Variants in RIT2 observed in about 807,000 individuals in gnomAD.
RIT2 encodes Ras like without CAAX 2.
In RIT2, 24 loss-of-function variants were observed where a neutral mutation model predicts 23.7. That is an observed-to-expected ratio of 1.01 (90% CI 0.73 to 1.43). The LOEUF (loss-of-function observed/expected upper bound fraction) is 1.43. Among genes scored for constraint, RIT2 ranks in the 40% most tolerant of loss-of-function variants. RIT2 has a pLI of 0.00. For synonymous variants in RIT2, 107 were observed against 91.1 expected (o/e 1.17, Z -0.99); for missense variants, 236 against 266.9 (o/e 0.88, Z 0.81).
At chr18:42,912,831 T>C (rs961304807) in intron 4 of RIT2, among the ~76,000 whole-genome samples, 2 of 151,978 alleles carry the variant, frequency 1.3e-5, no homozygotes, top group African/African-American at 4.8e-5. Flanking sequence ...ATAGCAAAGA[T>C]GTCAATTCAA....
intron 4 of RIT2, among the ~76,000 whole-genome samples, chr18:42,899,878 T>A (rs1908428829): frequency 6.6e-6 from 1 of 152,066 alleles, no homozygotes; most frequent in Admixed American, 6.6e-5. Context: ...TTAGTTTAAT[T>A]TACACATTTT....
At position 42,978,594 on chromosome 18, in the gene RIT2, T is replaced by C. The variant is rs573378344; in HGVS notation, c.161-4447A>G. ...CTTCTCAAGCATGAGGCCAAATGTA[T>C]ACAAAGCTTTATCAGGCAGAAATGG... On this transcript the variant is annotated intron_variant, in intron 2 of 4. Coordinates refer to ENST00000326695, the MANE Select transcript of RIT2 (RefSeq NM_002930.4). Among the ~76,000 whole-genome samples the C allele has an allele frequency of 2.6e-5, 4 of 152,260 alleles. No homozygotes were observed. The South Asian group carries it at 6.2e-4, about 24-fold the overall frequency.
Position 43,115,561 on chromosome 18 carries a change from C to A in RIT2, c.-42G>T. ...GAGGAAAAAAAGAAGGAGAAAGTCA[C>A]CCGTGTCAGGTGCTTGCTCGAATAT... On this transcript the variant is annotated 5_prime_UTR_variant, in exon 1 of 5. Transcript: ENST00000326695. The A allele has an allele frequency of 1.3e-6, 2 of 1,597,030 alleles. No individual in the cohort carries two copies. Among genetic ancestry groups the A allele is most frequent in the Non-Finnish European group, 1.7e-6 (2 of 1,174,794 alleles).
At chr18:43,014,472 T>C (rs1234873168) in intron 2 of RIT2, among the ~76,000 whole-genome samples, 1 of 151,742 alleles carries the variant, frequency 6.6e-6, no homozygotes, top group Non-Finnish European at 1.5e-5. Context: ...AAGAAGGATA[T>C]GTATTTGTGT....
chr18:42,765,496 G>A (rs1381705160), intron 4 of RIT2, among the ~76,000 whole-genome samples: 1 of 152,074 alleles, frequency 6.6e-6, no homozygotes, highest in Non-Finnish European at 1.5e-5. Context: ...GACAGCCTGG[G>A]GAGGAGTTGA....
At chr18:42,764,160 T>C (rs562409233) in intron 4 of RIT2, among the ~76,000 whole-genome samples, 1 of 152,324 alleles carries the variant, frequency 6.6e-6, no homozygotes, top group African/African-American at 2.4e-5. Context: ...CACATGAGTT[T>C]CATTCCAAAG....
At chr18:42,808,072 C>T (rs940446150) in intron 4 of RIT2, among the ~76,000 whole-genome samples, 6 of 152,226 alleles carry the variant, frequency 3.9e-5, no homozygotes, top group African/African-American at 9.6e-5. Flanking sequence ...AGAATAAATA[C>T]GAACAAAGGA....
intron 1 of RIT2, among the ~76,000 whole-genome samples, chr18:43,094,984 C>T (rs1031072782): frequency 6.6e-6 from 1 of 151,916 alleles, no homozygotes; most frequent in African/African-American, 2.4e-5. Flanking sequence ...GGGTTGCTTC[C>T]AAGTCTTTGC....
intron 4 of RIT2, among the ~76,000 whole-genome samples, chr18:42,746,913 A>G: frequency 6.6e-6 from 1 of 152,244 alleles, no homozygotes; most frequent in Non-Finnish European, 1.5e-5. Flanking sequence ...TACTGTAATA[A>G]AAGCTATCTA....
intron 2 of RIT2, among the ~76,000 whole-genome samples, chr18:43,018,261 T>A (rs1395522258): frequency 2.0e-5 from 3 of 152,186 alleles, no homozygotes; most frequent in Non-Finnish European, 4.4e-5. Flanking sequence ...GGCAATTGAC[T>A]GTGACACTAT....
intron 3 of RIT2, among the ~76,000 whole-genome samples, chr18:42,927,371 TGTGTG>T (rs1568032235): frequency 3.9e-4 from 4 of 10,226 alleles, no homozygotes; most frequent in Non-Finnish European, 2.5e-3. Flanking sequence ...GTGGATGTGG[TGTGTG>T]TGTGTGTGTG....
At chr18:43,041,029 T>C (rs1912116944) in intron 1 of RIT2, among the ~76,000 whole-genome samples, 1 of 152,132 alleles carries the variant, frequency 6.6e-6, no homozygotes, top group African/African-American at 2.4e-5. Flanking sequence ...TGTATAATTA[T>C]ATTTATTGCT....
intron 2 of RIT2, among the ~76,000 whole-genome samples, chr18:42,979,901 T>G (rs1006230027): frequency 3.3e-5 from 5 of 152,126 alleles, no homozygotes; most frequent in Non-Finnish European, 5.9e-5. Flanking sequence ...AGAAGTACTT[T>G]GAAGGGTGCT....
At chr18:43,108,912 C>T (rs2144250257) in intron 1 of RIT2, among the ~76,000 whole-genome samples, 1 of 152,200 alleles carries the variant, frequency 6.6e-6, no homozygotes, top group Admixed American at 6.5e-5. Context: ...CCTTACAGTC[C>T]ACAGGGTTAG....
intron 3 of RIT2, among the ~76,000 whole-genome samples, chr18:42,972,984 A>G (rs1910396607): frequency 6.6e-6 from 1 of 151,836 alleles, no homozygotes. Flanking sequence ...GATTTGCCTT[A>G]AATATTATAG....
chr18:43,071,000 T>C (rs935699726), intron 1 of RIT2, among the ~76,000 whole-genome samples: 1 of 152,144 alleles, frequency 6.6e-6, no homozygotes, highest in African/African-American at 2.4e-5. Flanking sequence ...CAACTTAATA[T>C]AGGAACAAAA....
intron 4 of RIT2, among the ~76,000 whole-genome samples, chr18:42,827,495 A>G (rs1906328358): frequency 6.6e-6 from 1 of 152,140 alleles, no homozygotes; most frequent in South Asian, 2.1e-4. Context: ...AAAACAAAGG[A>G]CTGCAAAAAT....
At chr18:43,010,501 A>AAAATG (rs1387598582) in intron 2 of RIT2, among the ~76,000 whole-genome samples, 6 of 151,808 alleles carry the variant, frequency 4.0e-5, no homozygotes, top group African/African-American at 1.5e-4. Context: ...ATCTAGAAAG[A>AAAATG]AAATGATTGT....
chr18:43,057,571 T>C (rs1047322869), intron 1 of RIT2, among the ~76,000 whole-genome samples: 1 of 152,144 alleles, frequency 6.6e-6, no homozygotes, highest in African/African-American at 2.4e-5. Context: ...CTGAAAAGTT[T>C]TTTGGTAAGG....
Sources: gnomAD v4.1 joint callset for allele counts (sites outside exome capture counted in the v4.1 genomes callset) on GRCh38, gnomAD v4.1.1 for gene constraint, MANE v1.5 for transcripts, NCBI Gene and HGNC (gene_info 2026-07-23, HGNC 2026-07-21) for gene names.